ANK3: variants seen among roughly 807,000 people sequenced by gnomAD.
ANK3 encodes ankyrin-3.
Under a neutral mutation model 370.9 loss-of-function variants are expected in ANK3, and 57 were observed. That is an observed-to-expected ratio of 0.15 (90% CI 0.12 to 0.19). ANK3 has a LOEUF of 0.19. Ranked by LOEUF, ANK3 falls within the 10% of genes least tolerant of loss-of-function variation. The pLI is 1.00. For synonymous variants in ANK3, 1,929 were observed against 1,946.3 expected, an observed-to-expected ratio of 0.99 and a Z score of 0.23; for missense variants, 4,439 against 5,302.1, an observed-to-expected ratio of 0.84 and a Z score of 5.06.
intron 2 of ANK3, among the ~76,000 whole-genome samples, chr10:60,421,969 T>C (rs1195013987): frequency 6.6e-6 from 1 of 152,068 alleles, no homozygotes; most frequent in Non-Finnish European, 1.5e-5. Context: ...TTGTTAAAAC[T>C]AAGGGTATAA....
intron 1 of ANK3, among the ~76,000 whole-genome samples, chr10:60,369,066 C>T (rs2059772280): frequency 6.6e-6 from 1 of 151,922 alleles, no homozygotes. Flanking sequence ...AGGATCAGTG[C>T]ATTTGACTGT....
intron 17 of ANK3, among the ~76,000 whole-genome samples, chr10:60,183,062 T>C (rs1008920549): frequency 6.6e-6 from 1 of 152,216 alleles, no homozygotes; most frequent in Non-Finnish European, 1.5e-5. Context: ...TGTGGGCACA[T>C]GTTGTCCCCT....
chr10:60,623,342 A>G (rs1403660310), intron 1 of ANK3, among the ~76,000 whole-genome samples: 1 of 152,226 alleles, frequency 6.6e-6, no homozygotes. Flanking sequence ...AAATAAATCT[A>G]TTTTAAGCAA....
At chr10:60,572,384 C>T (rs2077621580) in intron 2 of ANK3, 3 of 1,378,936 alleles carry the variant, frequency 2.2e-6, no homozygotes, top group African/African-American at 2.9e-5. Context: ...AAGCCAATCT[C>T]TTAAAAATTC....
chr10:60,181,450 A>T (rs779889690), intron 17 of ANK3, 23 bp from the exon 18 acceptor site: 1 of 1,604,780 alleles, frequency 6.2e-7, no homozygotes, highest in Admixed American at 1.7e-5. Flanking sequence ...CAAAGGGCAC[A>T]GTCATCGTAC....
At chr10:60,590,941 G>A (rs1017146487) in intron 2 of ANK3, among the ~76,000 whole-genome samples, 4 of 152,200 alleles carry the variant, frequency 2.6e-5, no homozygotes, top group Admixed American at 6.5e-5. Context: ...TGCAGAACCC[G>A]TGGATACAGA....
chr10:60,567,846 C>T (rs2077500071), intron 2 of ANK3, among the ~76,000 whole-genome samples: 1 of 152,144 alleles, frequency 6.6e-6, no homozygotes, highest in Non-Finnish European at 1.5e-5. Flanking sequence ...GGGCTCAAGA[C>T]TTCAATGGAG....
chr10:60,663,098 A>G (rs977497217), intron 1 of ANK3, among the ~76,000 whole-genome samples: 1 of 152,194 alleles, frequency 6.6e-6, no homozygotes, highest in African/African-American at 2.4e-5. Context: ...CCCCAAAATG[A>G]GCAATTCACA....
intron 1 of ANK3, among the ~76,000 whole-genome samples, chr10:60,674,753 C>G (rs1202010001): frequency 1.3e-5 from 2 of 152,096 alleles, no homozygotes; most frequent in Admixed American, 6.5e-5. Flanking sequence ...TAGAGGTAAC[C>G]ACTGTTCTGA....
intron 1 of ANK3, among the ~76,000 whole-genome samples, chr10:60,671,235 C>A (rs1047738719): frequency 3.9e-5 from 6 of 152,234 alleles, no homozygotes; most frequent in African/African-American, 1.4e-4. Flanking sequence ...TACCTCCCCA[C>A]CTGTCCCTCA....
intron 43 of ANK3, among the ~76,000 whole-genome samples, chr10:60,037,349 T>C (rs2075237042): frequency 6.6e-6 from 1 of 152,192 alleles, no homozygotes; most frequent in Non-Finnish European, 1.5e-5. Flanking sequence ...ACAATTATTT[T>C]ATTAAGTTCA....
At chr10:60,646,309 G>A (rs547868187) in intron 1 of ANK3, among the ~76,000 whole-genome samples, 2 of 152,276 alleles carry the variant, frequency 1.3e-5, no homozygotes, top group Admixed American at 6.5e-5. Flanking sequence ...GAAGAAACTT[G>A]GAAGTGTTCT....
At chr10:60,250,458 A>G (rs113665678) in intron 7 of ANK3, among the ~76,000 whole-genome samples, 1,718 of 152,202 alleles carry the variant, frequency 0.011, 19 homozygotes, top group African/African-American at 0.03. Context: ...TCTGCCTCCC[A>G]GGTTCAAGCA....
intron 2 of ANK3, among the ~76,000 whole-genome samples, chr10:60,412,209 T>A (rs1372279888): frequency 1.3e-5 from 2 of 152,026 alleles, no homozygotes; most frequent in Admixed American, 1.3e-4. Flanking sequence ...TCTAGGTGAG[T>A]CTGTGAGGGT....
At chr10:60,715,616 CTT>C (rs2079775637) in intron 1 of ANK3, among the ~76,000 whole-genome samples, 1 of 152,004 alleles carries the variant, frequency 6.6e-6, no homozygotes, top group African/African-American at 2.4e-5. Context: ...CTTCTGGAGA[CTT>C]TGTATTTCTT....
At chr10:60,575,066 C>G (rs2077666628) in intron 2 of ANK3, among the ~76,000 whole-genome samples, 1 of 152,004 alleles carries the variant, frequency 6.6e-6, no homozygotes. Context: ...ATACAAAATA[C>G]AATTAACATG....
At chr10:60,044,765 T>C (rs1032172533) in intron 42 of ANK3, 2 of 152,324 alleles carry the variant, frequency 1.3e-5, no homozygotes, top group African/African-American at 4.8e-5. Flanking sequence ...TTTATCTAAC[T>C]TGAACTAAGA....
chr10:60,322,521 A>G (rs1370894872), intron 1 of ANK3, among the ~76,000 whole-genome samples: 1 of 151,862 alleles, frequency 6.6e-6, no homozygotes, highest in African/African-American at 2.4e-5. Flanking sequence ...TTTAGTCTGG[A>G]AAAAAGCACA....
intron 8 of ANK3, 105 bp downstream of exon 8, chr10:60,234,583 T>C (rs1407578303): frequency 8.8e-5 from 57 of 649,674 alleles, no homozygotes; most frequent in Non-Finnish European, 1.4e-4. Flanking sequence ...CTATAACAAA[T>C]AGAACAGAAA....
Sources: gnomAD v4.1 joint callset for allele counts (sites outside exome capture counted in the v4.1 genomes callset) on GRCh38, gnomAD v4.1.1 for gene constraint, MANE v1.5 for transcripts, NCBI Gene and HGNC (gene_info 2026-07-23, HGNC 2026-07-21) for gene names.